ABCA5: variants seen among roughly 807,000 people sequenced by gnomAD.
The protein encoded by ABCA5 is ATP binding cassette subfamily A member 5.
Under a neutral mutation model 206.0 loss-of-function variants are expected in ABCA5, and 163 were observed. The ratio of observed to expected loss-of-function variants is 0.79; its 90% CI spans 0.70 to 0.90. ABCA5 has a LOEUF of 0.90. ABCA5 is among the 40% of genes least tolerant of loss of function. ABCA5 has a pLI of 0.00. For synonymous variants in ABCA5, 609 were observed against 613.8 expected, an observed-to-expected ratio of 0.99 and a Z score of 0.11; for missense variants, 1,859 against 1,912.9, an observed-to-expected ratio of 0.97 and a Z score of 0.53.
At chr17:69,299,686 T>C (rs911788883) in intron 9 of ABCA5, among the ~76,000 whole-genome samples, 4 of 150,766 alleles carry the variant, frequency 2.7e-5, no homozygotes, top group Non-Finnish European at 5.9e-5. Flanking sequence ...CAATGGATTA[T>C]GGGGGCTCAG....
chr17:69,300,059 C>A (rs2075636051), intron 9 of ABCA5, among the ~76,000 whole-genome samples: 1 of 152,088 alleles, frequency 6.6e-6, no homozygotes. Context: ...AATTTTATTT[C>A]TATTATTATT....
Position 69,289,904 on chromosome 17 carries a change from CA to C in ABCA5, c.1739del (p.Leu580TrpfsTer12), listed in dbSNP as rs771402584. 11 of 1,610,934 alleles carry C rather than the reference CA, an allele frequency of 6.8e-6. No homozygotes were observed. In the African/African-American group the frequency reaches 1.5e-4, roughly 22 times the overall value. ...VLTVEENLSI[L>X]ASIKGIPANN... Reference sequence around the variant, plus strand: ...TGGCTGGTATCCCTTTGATTGAAGCCAAAATTGATAAATTTTCTTCTACTGT... The same window carrying C: ...TGGCTGGTATCCCTTTGATTGAAGCCAAATTGATAAATTTTCTTCTACTGT... On this transcript the variant is annotated frameshift_variant, in exon 13 of 39. Transcript: ENST00000392676. LOFTEE classifies it high-confidence loss of function.
At chr17:69,261,907 A>C (rs1197568109) in intron 24 of ABCA5, among the ~76,000 whole-genome samples, 159 bp from the exon 25 acceptor site, 3 of 152,256 alleles carry the variant, frequency 2.0e-5, no homozygotes, top group Admixed American at 6.5e-5. Context: ...GTAAAATACT[A>C]TCTCTCATTA....
intron 10 of ABCA5, 133 bp downstream of exon 10, chr17:69,297,058 C>T: frequency 1.2e-6 from 1 of 819,836 alleles, no homozygotes; most frequent in Non-Finnish European, 1.8e-6. Context: ...GAAAAGTAGC[C>T]CTTATTAATG....
chr17:69,256,937 A>T (rs548985377), intron 28 of ABCA5, among the ~76,000 whole-genome samples: 1 of 152,196 alleles, frequency 6.6e-6, no homozygotes, highest in Non-Finnish European at 1.5e-5. Context: ...AATTGCCCAG[A>T]AAGAGTAGAT....
chr17:69,249,165 G>T (rs2144884893), intron 37 of ABCA5: 2 of 152,204 alleles, frequency 1.3e-5, no homozygotes, highest in Middle Eastern at 6.8e-3. Context: ...AAATCTTTTT[G>T]TATTCAGTAA....
Position 69,246,613 on chromosome 17 carries a change from TAG to T in ABCA5, c.*922_*923del, listed in dbSNP as rs1214816095. 24 of 151,928 alleles carry T rather than the reference TAG, an allele frequency of 1.6e-4. No individual in the cohort carries two copies. The highest frequency in any genetic ancestry group is 1.6e-4 in the Non-Finnish European group (11 of 67,812). 9.4% of individuals were successfully genotyped at this position (151,928 alleles called of 1,614,324 possible). The stretch of plus-strand genomic sequence containing the variant: ...ACACACTGATCTACTTACAATTTTA[TAG>T]AAGAGATTCACTAAAGTTTACCAAT... On this transcript the variant is annotated 3_prime_UTR_variant, in exon 39 of 39. Transcript: ENST00000392676.
chr17:69,254,236 CTTG>C, intron 32 of ABCA5, 76 bp downstream of exon 32: 1 of 1,174,984 alleles, frequency 8.5e-7, no homozygotes, highest in Non-Finnish European at 1.2e-6. Context: ...CACAGAAATG[CTTG>C]TTATGAAATT....
chr17:69,253,702 C>A, intron 33 of ABCA5, 35 bp from the exon 34 acceptor site: 2 of 1,593,052 alleles, frequency 1.3e-6, no homozygotes, highest in Non-Finnish European at 1.7e-6. Flanking sequence ...GGGAAATTAA[C>A]AAAGGTTCAC....
At chr17:69,305,605 C>T (rs2075707699) in intron 6 of ABCA5, among the ~76,000 whole-genome samples, 1 of 152,176 alleles carries the variant, frequency 6.6e-6, no homozygotes, top group South Asian at 2.1e-4. Context: ...CACAGTGGCT[C>T]ATGCCTGTAA....
chr17:69,267,213 T>G (rs766976331), intron 23 of ABCA5, among the ~76,000 whole-genome samples: 10 of 152,172 alleles, frequency 6.6e-5, no homozygotes, highest in Admixed American at 2.6e-4. Context: ...AATAATGAGC[T>G]CATTATTCAT....
At chr17:69,251,546 T>C (rs2075013498) in intron 35 of ABCA5, 1 of 606,080 alleles carries the variant, frequency 1.6e-6, no homozygotes, top group Non-Finnish European at 2.6e-6. Context: ...TATTGAAATA[T>C]TAAGTGAATT....
At position 69,246,030 on chromosome 17, in the gene ABCA5, T is replaced by C. The variant is rs559647606; in HGVS notation, c.*1507A>G. 2 of 152,132 alleles carry C rather than the reference T, an allele frequency of 1.3e-5. 1 individual carries two copies. Among genetic ancestry groups the C allele is most frequent in the Non-Finnish European group, 2.9e-5 (2 of 67,854 alleles). 9.4% of individuals were successfully genotyped at this position (152,132 alleles called of 1,614,324 possible). A position where few individuals can be genotyped will look rare whatever the true frequency, so the allele number is the denominator to read the frequency against. On this transcript the variant is annotated 3_prime_UTR_variant, in exon 39 of 39. Coordinates refer to ENST00000392676, the MANE Select transcript of ABCA5 (RefSeq NM_172232.4). ...GGTCCCTGGGTATTTATGTGAACAT[T>C]ATATATACTTTAGGAAAGTGTATAG...
chr17:69,305,211 CT>C (rs1461678687), intron 6 of ABCA5, among the ~76,000 whole-genome samples: 3 of 152,116 alleles, frequency 2.0e-5, no homozygotes, highest in African/African-American at 4.8e-5. Context: ...CTGATGGCTT[CT>C]GTAACTATAA....
intron 26 of ABCA5, 58 bp downstream of exon 26, chr17:69,261,066 CA>C (rs1308760883): frequency 1.7e-5 from 24 of 1,414,540 alleles, no homozygotes; most frequent in Non-Finnish European, 2.2e-5. Context: ...CTAACATCCC[CA>C]AATTAGACCA....
chr17:69,256,272 G>C lies in ABCA5; in HGVS notation c.3743C>G (p.Thr1248Arg). Residue 1248 changes from threonine (T) to arginine (R), a missense_variant, in exon 29 of 39, where the codon ACG becomes AGG. Transcript: ENST00000392676. ...RKDPFFRNLS[T>R]KSKNRKLPEP... is the part of the protein sequence containing the mutation. ...TGGAAGCTTCCTATTTTTAGACTTCGTTGAAAGGTTTCTACATATATATAA... is the reference window on the plus strand; with the variant it reads ...TGGAAGCTTCCTATTTTTAGACTTCCTTGAAAGGTTTCTACATATATATAA... 1.3e-6 allele frequency: 2 copies of C among 1,592,446 alleles called. No homozygotes were observed. The highest frequency in any genetic ancestry group is 1.7e-6 in the Non-Finnish European group (2 of 1,166,876).
At chr17:69,252,016 A>ACTTTTACATTCTTTTTT in intron 34 of ABCA5, 150 bp from the exon 35 acceptor site, 1 of 612,598 alleles carries the variant, frequency 1.6e-6, no homozygotes, top group Non-Finnish European at 2.6e-6. Flanking sequence ...CCCAACTATG[A>ACTTTTACATTCTTTTTT]TTTTTTTTTT....
intron 20 of ABCA5, among the ~76,000 whole-genome samples, chr17:69,272,697 G>C (rs941259241): frequency 6.7e-6 from 1 of 150,048 alleles, no homozygotes; most frequent in African/African-American, 2.4e-5. Context: ...TTTTCCATTC[G>C]AGTAATTTTC....
intron 18 of ABCA5, among the ~76,000 whole-genome samples, chr17:69,280,285 G>A (rs894596573): frequency 1.2e-4 from 19 of 152,164 alleles, no homozygotes; most frequent in African/African-American, 3.4e-4. Flanking sequence ...ATGAAAAAAC[G>A]CTCACCATCA....
Sources: gnomAD v4.1 joint callset for allele counts (sites outside exome capture counted in the v4.1 genomes callset) on GRCh38, gnomAD v4.1.1 for gene constraint, MANE v1.5 for transcripts, NCBI Gene and HGNC (gene_info 2026-07-23, HGNC 2026-07-21) for gene names.